The following CDH8 variants were observed in gnomAD, a reference collection of about 807,000 sequenced individuals.
CDH8 encodes cadherin-8.
A neutral mutation model predicts 68.1 loss-of-function variants in CDH8; 17 were observed. The ratio of observed to expected loss-of-function variants is 0.25; its 90% CI spans 0.17 to 0.37. The LOEUF (loss-of-function observed/expected upper bound fraction) is 0.37, where lower values mean the gene tolerates loss of function less well. CDH8 is among the 10% of genes least tolerant of loss of function. The pLI, the probability that CDH8 is intolerant of heterozygous loss-of-function variation, is 1.00. For missense variants in CDH8, 763 were observed against 999.3 expected (o/e 0.76, Z 3.19); for synonymous variants, 372 against 365.1 (o/e 1.02, Z -0.21).
At chr16:61,807,616 A>G (rs1350450563) in intron 7 of CDH8, among the ~76,000 whole-genome samples, 2 of 152,204 alleles carry the variant, frequency 1.3e-5, no homozygotes, top group Non-Finnish European at 2.9e-5. Flanking sequence ...TCAAAGGAGG[A>G]TGCCAGAGAT....
At chr16:61,844,449 T>C (rs1436978899) in intron 4 of CDH8, among the ~76,000 whole-genome samples, 1 of 152,136 alleles carries the variant, frequency 6.6e-6, no homozygotes, top group African/African-American at 2.4e-5. Flanking sequence ...AAAAAAAGTT[T>C]ATATGTAAAC....
chr16:61,654,211 A>G, intron 11 of CDH8, 110 bp from the exon 12 acceptor site: 1 of 852,826 alleles, frequency 1.2e-6, no homozygotes, highest in Non-Finnish European at 1.8e-6. Flanking sequence ...GTATGAGCAT[A>G]CACCTTTAAT....
intron 1 of CDH8, among the ~76,000 whole-genome samples, chr16:62,022,132 T>C (rs1185363951): frequency 6.6e-6 from 1 of 152,070 alleles, no homozygotes; most frequent in Admixed American, 6.6e-5. Context: ...TAGCTTTGAA[T>C]TAACAACATT....
intron 7 of CDH8, among the ~76,000 whole-genome samples, chr16:61,801,595 G>A (rs1293955657): frequency 1.3e-5 from 2 of 152,176 alleles, no homozygotes; most frequent in Admixed American, 1.3e-4. Flanking sequence ...GTGGGCGCAG[G>A]CCAGTGGGTG....
intron 2 of CDH8, among the ~76,000 whole-genome samples, chr16:61,969,629 A>C (rs1484978310): frequency 1.3e-5 from 2 of 152,212 alleles, no homozygotes; most frequent in Non-Finnish European, 2.9e-5. Flanking sequence ...AATTTAACAA[A>C]GATTTACTGA....
intron 7 of CDH8, among the ~76,000 whole-genome samples, chr16:61,799,530 T>A (rs1374093814): frequency 6.6e-6 from 1 of 152,172 alleles, no homozygotes; most frequent in Non-Finnish European, 1.5e-5. Flanking sequence ...AAAATGGGGA[T>A]AACATGCATT....
chr16:61,773,806 CT>C (rs1340031377), intron 8 of CDH8, among the ~76,000 whole-genome samples: 2 of 152,208 alleles, frequency 1.3e-5, no homozygotes, highest in East Asian at 3.9e-4. Flanking sequence ...ATAGCATAAC[CT>C]TTGAATCTGG....
chr16:61,869,898 G>A (rs555867345), intron 3 of CDH8, among the ~76,000 whole-genome samples: 2 of 152,114 alleles, frequency 1.3e-5, no homozygotes, highest in Non-Finnish European at 2.9e-5. Flanking sequence ...CCATATTCAA[G>A]ACTCTTAGAT....
chr16:61,706,781 G>A (rs1964544165), intron 10 of CDH8, among the ~76,000 whole-genome samples: 1 of 152,122 alleles, frequency 6.6e-6, no homozygotes, highest in Non-Finnish European at 1.5e-5. Context: ...AAGTACATAT[G>A]AAGTTCTATA....
intron 7 of CDH8, among the ~76,000 whole-genome samples, chr16:61,796,177 T>C (rs1327423812): frequency 6.6e-6 from 1 of 151,702 alleles, no homozygotes; most frequent in African/African-American, 2.4e-5. Flanking sequence ...AGGGAATAGA[T>C]AAGAGAGAAA....
chr16:61,662,204 G>A (rs1048884960), intron 10 of CDH8, among the ~76,000 whole-genome samples: 2 of 148,868 alleles, frequency 1.3e-5, no homozygotes, highest in East Asian at 4.0e-4. Context: ...CTCTAAACTT[G>A]GCTTCAATTT....
chr16:62,035,317 G>C (rs1211763066), intron 1 of CDH8, among the ~76,000 whole-genome samples: 2 of 152,168 alleles, frequency 1.3e-5, no homozygotes, highest in African/African-American at 2.4e-5. Context: ...CCCTAGGAGA[G>C]CGGCTACGGA....
intron 4 of CDH8, among the ~76,000 whole-genome samples, chr16:61,831,427 T>G (rs956862865): frequency 3.3e-5 from 5 of 151,796 alleles, no homozygotes; most frequent in South Asian, 2.1e-4. Context: ...TTTATGTTAT[T>G]CAATCAAATG....
intron 2 of CDH8, among the ~76,000 whole-genome samples, chr16:61,969,001 C>T (rs1240381156): frequency 2.6e-5 from 4 of 152,146 alleles, no homozygotes; most frequent in Non-Finnish European, 5.9e-5. Flanking sequence ...TGCTCAGAGT[C>T]CAAGATTCTT....
chr16:61,917,601 GT>G (rs1964264449), intron 2 of CDH8, among the ~76,000 whole-genome samples: 1 of 152,122 alleles, frequency 6.6e-6, no homozygotes, highest in Non-Finnish European at 1.5e-5. Flanking sequence ...GGCTTCTGTT[GT>G]CCCTTGCTGC....
intron 7 of CDH8, among the ~76,000 whole-genome samples, chr16:61,793,497 T>C (rs1961428558): frequency 6.6e-6 from 1 of 152,016 alleles, no homozygotes; most frequent in Non-Finnish European, 1.5e-5. Flanking sequence ...AGTGAGTATA[T>C]GTGGTATTTG....
At position 61,812,076 on chromosome 16, in the gene CDH8, A is replaced by C. The variant is rs1224322392; in HGVS notation, c.1277+5403T>G. ...CTCTTTACACACACAAACACACCAC[A>C]AACACACACACAAACAAACATGCTC... On this transcript the variant is annotated intron_variant, in intron 7 of 11. Coordinates refer to ENST00000577390, the MANE Select transcript of CDH8 (RefSeq NM_001796.5). 2.6e-5 allele frequency among the ~76,000 whole-genome samples: 4 copies of C among 152,130 alleles called. No individual in the cohort carries two copies. The East Asian group carries it at 7.7e-4, about 29-fold the overall frequency.
intron 3 of CDH8, among the ~76,000 whole-genome samples, chr16:61,866,591 T>TAC (rs1963259206): frequency 6.6e-6 from 1 of 151,980 alleles, no homozygotes. Context: ...TATATATATA[T>TAC]ACACATTATA....
At chr16:61,794,663 A>G (rs917265558) in intron 7 of CDH8, among the ~76,000 whole-genome samples, 5 of 152,024 alleles carry the variant, frequency 3.3e-5, no homozygotes, top group African/African-American at 1.2e-4. Context: ...TACACAGGAA[A>G]TTAGAGGAAT....
Sources: gnomAD v4.1 joint callset for allele counts (sites outside exome capture counted in the v4.1 genomes callset) on GRCh38, gnomAD v4.1.1 for gene constraint, MANE v1.5 for transcripts, NCBI Gene and HGNC (gene_info 2026-07-23, HGNC 2026-07-21) for gene names.